Variants in CSMD1 observed in about 807,000 individuals in gnomAD.
CSMD1 encodes the protein CUB and sushi domain-containing protein 1.
A neutral mutation model predicts 417.5 loss-of-function variants in CSMD1; 213 were observed. That is an observed-to-expected ratio of 0.51 (90% CI 0.46 to 0.57). The LOEUF is 0.57. CSMD1 is among the 20% of genes least tolerant of loss of function. The pLI, the probability that CSMD1 is intolerant of heterozygous loss-of-function variation, is 0.00. For synonymous variants in CSMD1, 2,862 were observed against 1,736.8 expected, an observed-to-expected ratio of 1.65 and a Z score of -16.11; for missense variants, 6,923 against 4,529.7, an observed-to-expected ratio of 1.53 and a Z score of -15.17.
intron 1 of CSMD1, among the ~76,000 whole-genome samples, chr8:4,814,067 C>T (rs937181942): frequency 1.9e-4 from 29 of 152,148 alleles, no homozygotes; most frequent in Admixed American, 1.8e-3. Context: ...ATGGCAATAA[C>T]CTTTAAAAAA....
chr8:3,692,820 G>A (rs963815383), intron 7 of CSMD1, among the ~76,000 whole-genome samples: 1 of 152,052 alleles, frequency 6.6e-6, no homozygotes, highest in Non-Finnish European at 1.5e-5. Context: ...AATATGCATG[G>A]CAAAAATATT....
At chr8:3,351,036 T>A (rs1461439360) in intron 21 of CSMD1, among the ~76,000 whole-genome samples, 1 of 152,230 alleles carries the variant, frequency 6.6e-6, no homozygotes, top group Non-Finnish European at 1.5e-5. Context: ...CTTCTAGCAC[T>A]TCCCAAATCT....
At chr8:3,509,876 G>A (rs916022745) in intron 10 of CSMD1, among the ~76,000 whole-genome samples, 4 of 152,134 alleles carry the variant, frequency 2.6e-5, no homozygotes, top group Admixed American at 6.5e-5. Context: ...CTGTGGCCAT[G>A]GTAAAGGGGA....
chr8:3,786,334 G>T (rs975509903), intron 5 of CSMD1, among the ~76,000 whole-genome samples: 1 of 152,040 alleles, frequency 6.6e-6, no homozygotes, highest in Non-Finnish European at 1.5e-5. Context: ...TTGGATGGAG[G>T]GTCACTGAGA....
chr8:4,250,035 T>C (rs560390363), intron 3 of CSMD1, among the ~76,000 whole-genome samples: 9 of 152,100 alleles, frequency 5.9e-5, no homozygotes, highest in Non-Finnish European at 1.2e-4. Flanking sequence ...CATGAATAAA[T>C]TGATGCCCCA....
intron 12 of CSMD1, among the ~76,000 whole-genome samples, chr8:3,447,582 G>C (rs1056929932): frequency 6.6e-6 from 1 of 152,228 alleles, no homozygotes; most frequent in South Asian, 2.1e-4. Flanking sequence ...GGAAGGGTCA[G>C]AGGTTCCGTA....
intron 3 of CSMD1, among the ~76,000 whole-genome samples, chr8:4,169,434 A>G (rs1254313995): frequency 6.6e-6 from 1 of 152,104 alleles, no homozygotes; most frequent in East Asian, 1.9e-4. Flanking sequence ...CCCACCTTTA[A>G]TCTTTCAGCT....
At chr8:3,215,485 T>C (rs1476023935) in intron 29 of CSMD1, among the ~76,000 whole-genome samples, 3 of 152,182 alleles carry the variant, frequency 2.0e-5, no homozygotes, top group African/African-American at 4.8e-5. Flanking sequence ...GAAAGGATCA[T>C]AAGAATGTAA....
At chr8:4,262,402 C>T (rs1005233129) in intron 3 of CSMD1, among the ~76,000 whole-genome samples, 8 of 152,170 alleles carry the variant, frequency 5.3e-5, no homozygotes, top group Non-Finnish European at 1.2e-4. Context: ...AGAATAAAGG[C>T]AGGTTTGTGG....
intron 7 of CSMD1, among the ~76,000 whole-genome samples, chr8:3,628,058 G>A (rs1489779417): frequency 6.6e-6 from 1 of 152,138 alleles, no homozygotes; most frequent in Non-Finnish European, 1.5e-5. Flanking sequence ...TTAAAAAACA[G>A]AACGTGGTGT....
chr8:3,241,655 G>T (rs371425908), intron 26 of CSMD1, among the ~76,000 whole-genome samples: 1 of 152,290 alleles, frequency 6.6e-6, no homozygotes. Flanking sequence ...TCCTTGGCCT[G>T]GTGGCCAGAT....
chr8:4,547,245 C>A (rs1189037572), intron 2 of CSMD1, among the ~76,000 whole-genome samples: 1 of 152,174 alleles, frequency 6.6e-6, no homozygotes, highest in East Asian at 1.9e-4. Context: ...TTCCTTCCTG[C>A]GGCTGCTGAG....
intron 1 of CSMD1, among the ~76,000 whole-genome samples, chr8:4,867,266 C>G (rs1229852262): frequency 1.3e-5 from 2 of 152,036 alleles, no homozygotes; most frequent in Non-Finnish European, 2.9e-5. Flanking sequence ...AATTGATAAA[C>G]ACTCCCTACT....
At chr8:4,725,947 TTCG>T (rs1385125208) in intron 1 of CSMD1, among the ~76,000 whole-genome samples, 1 of 152,236 alleles carries the variant, frequency 6.6e-6, no homozygotes, top group East Asian at 1.9e-4. Context: ...ATACACGGCA[TTCG>T]TCAAGAAGTT....
intron 2 of CSMD1, among the ~76,000 whole-genome samples, chr8:4,459,130 T>C (rs1274528702): frequency 1.3e-5 from 2 of 152,184 alleles, no homozygotes; most frequent in Non-Finnish European, 2.9e-5. Context: ...CAGGCCACCA[T>C]CCTTTCTCAT....
At chr8:3,597,839 G>C (rs1801167080) in intron 8 of CSMD1, among the ~76,000 whole-genome samples, 1 of 152,152 alleles carries the variant, frequency 6.6e-6, no homozygotes, top group African/African-American at 2.4e-5. Context: ...CCTGTCGGGG[G>C]GTTGGGGACT....
intron 26 of CSMD1, among the ~76,000 whole-genome samples, chr8:3,268,416 G>A (rs1000466519): frequency 2.0e-5 from 3 of 147,378 alleles, no homozygotes; most frequent in African/African-American, 7.6e-5. Flanking sequence ...AACCTCCCGA[G>A]TAACTGGGAC....
intron 3 of CSMD1, among the ~76,000 whole-genome samples, chr8:4,297,056 G>T (rs1797724822): frequency 6.8e-6 from 1 of 147,530 alleles, no homozygotes; most frequent in African/African-American, 2.5e-5. Context: ...AATAAAAATG[G>T]TCGGATGGGT....
chr8:4,465,547 A>C (rs117091761), intron 2 of CSMD1, among the ~76,000 whole-genome samples: 1,972 of 152,264 alleles, frequency 0.013, 19 homozygotes, highest in Non-Finnish European at 0.019. Context: ...CACTCTCAGA[A>C]TGGAAGTCAA....
Sources: allele counts gnomAD v4.1 joint callset (sites outside exome capture counted in the v4.1 genomes callset), GRCh38; gene constraint gnomAD v4.1.1; transcripts MANE v1.5; gene names NCBI Gene and HGNC (gene_info 2026-07-23, HGNC 2026-07-21).